The following LINGO2 variants were observed in gnomAD, a reference collection of about 807,000 sequenced individuals.
LINGO2 encodes the protein leucine-rich repeat and immunoglobulin-like domain-containing nogo receptor-interacting protein 2.
Under a neutral mutation model 30.6 loss-of-function variants are expected in LINGO2, and 14 were observed. The ratio of observed to expected loss-of-function variants is 0.46; its 90% confidence interval spans 0.30 to 0.72. The LOEUF (loss-of-function observed/expected upper bound fraction) is 0.72, where lower values mean the gene tolerates loss of function less well. Ranked by LOEUF, LINGO2 falls within the 30% of genes least tolerant of loss-of-function variation. The pLI is 0.07. For synonymous variants in LINGO2, 317 were observed against 288.5 expected (o/e 1.10, Z -1.00); for missense variants, 729 against 751.7 (o/e 0.97, Z 0.35).
At chr9:28,871,136 A>T in the LINGO2 span, among the ~76,000 whole-genome samples, 2 of 151,896 alleles carry the variant, frequency 1.3e-5, no homozygotes, top group African/African-American at 4.8e-5. Flanking sequence ...TTTATAAATA[A>T]GGAAATTGTT....
chr9:29,046,605 A>T, the LINGO2 span, among the ~76,000 whole-genome samples: 90 of 152,290 alleles, frequency 5.9e-4, no homozygotes, highest in Non-Finnish European at 9.3e-4. Context: ...AAAATTGATT[A>T]AAAAATTACA....
chr9:28,639,296 G>C (rs1481149385), intron 1 of LINGO2, among the ~76,000 whole-genome samples: 1 of 152,180 alleles, frequency 6.6e-6, no homozygotes, highest in Non-Finnish European at 1.5e-5. Flanking sequence ...TGTATATTCT[G>C]TTGATTTGGG....
Position 28,655,714 on chromosome 9 carries a change from A to G in LINGO2, c.-365+14486T>C, listed in dbSNP as rs112058054. 8.2e-3 allele frequency among the ~76,000 whole-genome samples: 1,241 copies of G among 151,790 alleles called. 25 individuals carry two copies. Among genetic ancestry groups the G allele is most frequent in the African/African-American group, 0.029 (1,197 of 41,400 alleles). On this transcript the variant is annotated intron_variant, in intron 1 of 5. Coordinates refer to ENST00000379992, the Ensembl canonical transcript of LINGO2. ...AGTTCTCATGAGATCTGATTGTTTT[A>G]TAAGGGGCTCCCCCCTTCACTGGGC...
At chr9:28,018,495 TAAC>T (rs1393025095) in intron 4 of LINGO2, among the ~76,000 whole-genome samples, 4 of 151,900 alleles carry the variant, frequency 2.6e-5, no homozygotes, top group Non-Finnish European at 4.4e-5. Context: ...AAACTTAAAA[TAAC>T]AAGCAAAAAA....
the LINGO2 span, among the ~76,000 whole-genome samples, chr9:29,097,924 T>C: frequency 7.0e-6 from 1 of 141,876 alleles, no homozygotes; most frequent in Non-Finnish European, 1.5e-5. Flanking sequence ...ACAATTATAA[T>C]CACTAATACA....
chr9:28,785,877 T>A, the LINGO2 span, among the ~76,000 whole-genome samples: 1 of 152,246 alleles, frequency 6.6e-6, no homozygotes, highest in Non-Finnish European at 1.5e-5. Context: ...CTACAGTTTG[T>A]CAAAATTAAT....
chr9:27,968,777 G>C (rs2118718679), intron 5 of LINGO2, among the ~76,000 whole-genome samples: 1 of 151,810 alleles, frequency 6.6e-6, no homozygotes, highest in East Asian at 1.9e-4. Context: ...ACATTATAAA[G>C]TTAGGGCAAA....
the LINGO2 span, among the ~76,000 whole-genome samples, chr9:29,058,471 T>C: frequency 1.3e-5 from 2 of 151,798 alleles, no homozygotes; most frequent in Non-Finnish European, 2.9e-5. Context: ...AAGTGACCTA[T>C]GGGAAAACAT....
chr9:28,536,526 AAACTTG>A (rs2135445841), intron 1 of LINGO2, among the ~76,000 whole-genome samples: 1 of 152,262 alleles, frequency 6.6e-6, no homozygotes, highest in Non-Finnish European at 1.5e-5. Context: ...CGCTTGAGAG[AAACTTG>A]AATAAGCAAA....
intron 4 of LINGO2, among the ~76,000 whole-genome samples, chr9:28,189,724 G>GAAGGAAGGAAGGAAGT: frequency 6.6e-6 from 1 of 150,862 alleles, no homozygotes; most frequent in African/African-American, 2.4e-5. Context: ...AGGAAGGAAG[G>GAAGGAAGGAAGGAAGT]TTGGTTCAAA....
At chr9:28,980,389 T>C in the LINGO2 span, among the ~76,000 whole-genome samples, 1 of 152,190 alleles carries the variant, frequency 6.6e-6, no homozygotes, top group South Asian at 2.1e-4. Context: ...TTTGCTCAAA[T>C]CCTTTCAGTG....
chr9:28,271,667 C>A (rs955781584), intron 4 of LINGO2, among the ~76,000 whole-genome samples: 1 of 151,984 alleles, frequency 6.6e-6, no homozygotes, highest in Non-Finnish European at 1.5e-5. Flanking sequence ...ATAAATAGAC[C>A]AAGGAAAAGC....
intron 4 of LINGO2, among the ~76,000 whole-genome samples, chr9:28,293,065 C>T (rs1346105977): frequency 6.6e-6 from 1 of 151,978 alleles, no homozygotes; most frequent in Admixed American, 6.6e-5. Flanking sequence ...AGCCACCGCA[C>T]CCGGCTGGCC....
intron 1 of LINGO2, among the ~76,000 whole-genome samples, chr9:28,560,090 A>G (rs2135545950): frequency 6.6e-6 from 1 of 151,850 alleles, no homozygotes; most frequent in South Asian, 2.1e-4. Context: ...GGAAAAAAAA[A>G]AAAAAAAGAA....
At chr9:28,081,247 G>A (rs1350464262) in intron 4 of LINGO2, among the ~76,000 whole-genome samples, 1 of 151,526 alleles carries the variant, frequency 6.6e-6, no homozygotes, top group Admixed American at 6.6e-5. Context: ...ATGTCCCCAG[G>A]GGGAAGGAGA....
chr9:28,080,460 T>C (rs1825742407), intron 4 of LINGO2: 1 of 152,198 alleles, frequency 6.6e-6, no homozygotes, highest in Admixed American at 6.5e-5. Flanking sequence ...AATTCTCTGA[T>C]CCCAGATTTT....
At chr9:28,054,384 A>G (rs1247822044) in intron 4 of LINGO2, among the ~76,000 whole-genome samples, 3 of 152,266 alleles carry the variant, frequency 2.0e-5, no homozygotes, top group South Asian at 2.1e-4. Context: ...CCGAAAGATC[A>G]GTAGTAGCTG....
intron 3 of LINGO2, among the ~76,000 whole-genome samples, chr9:28,315,527 C>T (rs191343880): frequency 6.6e-6 from 1 of 152,060 alleles, no homozygotes; most frequent in African/African-American, 2.4e-5. Context: ...TTCTAGCTGA[C>T]CAGCTGTTTT....
intron 2 of LINGO2, among the ~76,000 whole-genome samples, chr9:28,384,329 C>CTATATATATATA (rs3064858): frequency 0.013 from 1,559 of 123,230 alleles, 46 homozygotes; most frequent in Non-Finnish European, 0.018. Context: ...ATGTTATGCA[C>CTATATATATATA]TATATATATA....
Sources: allele counts gnomAD v4.1 joint callset (sites outside exome capture counted in the v4.1 genomes callset), GRCh38; gene constraint gnomAD v4.1.1; transcripts MANE v1.5; gene names NCBI Gene and HGNC (gene_info 2026-07-23, HGNC 2026-07-21).